CEP290: variants seen among roughly 807,000 people sequenced by gnomAD.
CEP290 encodes the protein centrosomal protein 290, also known as centrosomal protein of 290 kDa.
A neutral mutation model predicts 344.9 loss-of-function variants in CEP290; 317 were observed. That is an observed-to-expected ratio of 0.92 (90% CI 0.84 to 1.01). The LOEUF is 1.01. Ranked by LOEUF, CEP290 falls within the 50% of genes least tolerant of loss-of-function variation. The pLI, the probability that CEP290 is intolerant of heterozygous loss-of-function variation, is 0.00. For missense variants in CEP290, 2,754 were observed against 2,761.4 expected, an observed-to-expected ratio of 1.00 and a Z score of 0.06; for synonymous variants, 932 against 895.8, an observed-to-expected ratio of 1.04 and a Z score of -0.72.
chr12:88,083,349 T>C, intron 36 of CEP290, 119 bp from the exon 37 acceptor site: 1 of 573,078 alleles, frequency 1.7e-6, no homozygotes, highest in Non-Finnish European at 2.8e-6. Flanking sequence ...AATGTAATGA[T>C]TTAATAGGCA....
intron 20 of CEP290, among the ~76,000 whole-genome samples, chr12:88,113,001 A>G (rs537350760): frequency 1.3e-5 from 2 of 152,146 alleles, no homozygotes; most frequent in South Asian, 4.1e-4. Flanking sequence ...TGCATAATCC[A>G]GCATTGTCTG....
chr12:88,141,192 G>A lies in CEP290; in HGVS notation c.102+14C>T. The A allele has an allele frequency of 6.4e-7, 1 of 1,562,342 alleles. No individual in the cohort carries two copies. Among genetic ancestry groups the A allele is most frequent in the East Asian group, 2.3e-5 (1 of 43,888 alleles). On this transcript the variant is annotated intron_variant, in intron 2 of 53. Coordinates refer to ENST00000552810, the MANE Select transcript of CEP290 (RefSeq NM_025114.4). Reference sequence around the variant, plus strand: ...GTTAATGTATATATCTATTATTATTGACCAATTAAGCACCTTGGATAAGGA... The same window carrying A: ...GTTAATGTATATATCTATTATTATTAACCAATTAAGCACCTTGGATAAGGA...
rs751905186 is a variant in CEP290, at chr12:88,121,194, T to C, written c.1190-28A>G. 5.1e-6 allele frequency: 8 copies of C among 1,554,448 alleles called. 1 individual carries two copies. Among genetic ancestry groups the C allele is most frequent in the South Asian group, 3.5e-5 (3 of 86,882 alleles). On this transcript the variant is annotated intron_variant, in intron 13 of 53. Transcript: ENST00000552810. ...ACAGAGTAAAAACAAAAATCATGAATTGAATTGACTACTTATTCCTTCAAA... is the reference window on the plus strand; with the variant it reads ...ACAGAGTAAAAACAAAAATCATGAACTGAATTGACTACTTATTCCTTCAAA...
chr12:88,092,465 A>C (rs2037124492), intron 29 of CEP290, among the ~76,000 whole-genome samples: 1 of 152,106 alleles, frequency 6.6e-6, no homozygotes, highest in African/African-American at 2.4e-5. Context: ...AAAAATGCAA[A>C]TCTTGAGAGG....
intron 32 of CEP290, among the ~76,000 whole-genome samples, 190 bp downstream of exon 32, chr12:88,087,590 G>A (rs2036681400): frequency 6.6e-6 from 1 of 151,560 alleles, no homozygotes; most frequent in East Asian, 1.9e-4. Flanking sequence ...CACGGTGGCG[G>A]GTGCCTGTAG....
Position 88,071,945 on chromosome 12 carries a change from A to G in CEP290, c.5710-19T>C. 1 of 1,550,778 alleles carries G rather than the reference A, an allele frequency of 6.4e-7. No individual in the cohort carries two copies. The highest frequency in any genetic ancestry group is 2.3e-5 in the East Asian group (1 of 42,808). On this transcript the variant is annotated intron_variant, in intron 41 of 53. Coordinates refer to ENST00000552810, the MANE Select transcript of CEP290 (RefSeq NM_025114.4). ...TAGCATTCTGTAACAATAACGAAGGAGGTAGGAAAATTACCAGTGTTATTT... is the reference window on the plus strand; with the variant it reads ...TAGCATTCTGTAACAATAACGAAGGGGGTAGGAAAATTACCAGTGTTATTT...
At chr12:88,125,102 A>T (rs2039649944) in intron 13 of CEP290, 144 bp downstream of exon 13, 1 of 289,434 alleles carries the variant, frequency 3.5e-6, no homozygotes. Context: ...ATATAAGTAT[A>T]ATAATAAATA....
At chr12:88,106,008 G>T (rs2038249588) in intron 25 of CEP290, among the ~76,000 whole-genome samples, 1 of 152,076 alleles carries the variant, frequency 6.6e-6, no homozygotes, top group Non-Finnish European at 1.5e-5. Flanking sequence ...TTCCTGCCTG[G>T]GCCTTCCAAA....
intron 25 of CEP290, among the ~76,000 whole-genome samples, chr12:88,104,379 G>T (rs908495277): frequency 6.6e-6 from 1 of 151,980 alleles, no homozygotes; most frequent in Non-Finnish European, 1.5e-5. Flanking sequence ...TATAAAACTA[G>T]GTGCAGAAGG....
intron 14 of CEP290, 72 bp from the exon 15 acceptor site, chr12:88,120,348 T>G (rs981434730): frequency 7.4e-5 from 58 of 783,074 alleles, no homozygotes; most frequent in Non-Finnish European, 9.7e-5. Context: ...TCATGATTTT[T>G]TTTTTACTAA....
At position 88,096,948 on chromosome 12, in the gene CEP290, C is replaced by T; in HGVS notation, c.3043G>A (p.Glu1015Lys). ...EQVESINKEL[E>K]ITKEKLHTIE... ...GTGTGAAGTTTTTCCTTGGTAATCT[C>T]CAGTTCTTTATTTATAGACTCCACT... The change falls in exon 27 of 54, where the codon GAG (glutamate) becomes AAG (lysine). Residue 1015 changes from glutamate to lysine, a missense_variant. Physicochemically the swap from Glu to Lys is moderately conservative, Grantham distance 56 (BLOSUM62 1). Transcript: ENST00000552810. The T allele has an allele frequency of 6.3e-7, 1 of 1,580,762 alleles. No individual in the cohort carries two copies.
intron 12 of CEP290, 60 bp from the exon 13 acceptor site, chr12:88,125,429 G>T: frequency 1.1e-6 from 1 of 901,324 alleles, no homozygotes; most frequent in Non-Finnish European, 1.5e-6. Flanking sequence ...AAAAGGTAAG[G>T]AAAAAAGTAC....
At chr12:88,083,504 A>G (rs559932894) in intron 36 of CEP290, among the ~76,000 whole-genome samples, 9 of 152,320 alleles carry the variant, frequency 5.9e-5, no homozygotes, top group African/African-American at 2.2e-4. Context: ...TACACATTAA[A>G]AGATGAAAGA....
At chr12:88,098,751 C>T (rs1046156962) in intron 26 of CEP290, among the ~76,000 whole-genome samples, 2 of 151,912 alleles carry the variant, frequency 1.3e-5, no homozygotes, top group Non-Finnish European at 2.9e-5. Flanking sequence ...CTGTGAGGTA[C>T]GAAGTATTTA....
Position 88,062,682 on chromosome 12 carries a change from T to C in CEP290, c.6357+10A>G, listed in dbSNP as rs769059688. On this transcript the variant is annotated intron_variant, in intron 46 of 53. Coordinates refer to ENST00000552810, the MANE Select transcript of CEP290 (RefSeq NM_025114.4). ...AAACCAAAACAAATGTATGGTAAAT[T>C]CTCACATACCCCTCTAACATGGCCA... is the stretch of plus-strand genomic sequence containing the variant. 6.3e-7 allele frequency: 1 copy of C among 1,579,684 alleles called. No homozygotes were observed. Among genetic ancestry groups the C allele is most frequent in the South Asian group, 1.1e-5 (1 of 87,906 alleles).
intron 27 of CEP290, among the ~76,000 whole-genome samples, chr12:88,094,335 A>C (rs2037274215): frequency 6.6e-6 from 1 of 152,136 alleles, no homozygotes; most frequent in Non-Finnish European, 1.5e-5. Flanking sequence ...CTGTATGAGA[A>C]GCAATGCAGT....
chr12:88,130,709 T>C, intron 7 of CEP290, 144 bp from the exon 8 acceptor site: 1 of 552,776 alleles, frequency 1.8e-6, no homozygotes, highest in Admixed American at 3.8e-5. Flanking sequence ...GAATACTAAT[T>C]ATCTACCAAA....
rs933754766 is a variant in CEP290 at position 88,054,268 on chromosome 12, C to A, written c.7034+72G>T. 3 of 941,160 alleles carry A rather than the reference C, an allele frequency of 3.2e-6. No individual in the cohort carries two copies. In the Admixed American group the frequency reaches 8.1e-5, roughly 26 times the overall value. 58.3% of individuals were successfully genotyped at this position (941,160 alleles called of 1,614,324 possible). The stretch of plus-strand genomic sequence containing the variant: ...ATGCTTGTCTCTAGTTGTAGCAATT[C>A]GGAGTATATAAAAACTAATAATTTT... On this transcript the variant is annotated intron_variant, in intron 51 of 53. Transcript: ENST00000552810.
chr12:88,091,944 C>T (rs756576794), intron 29 of CEP290, among the ~76,000 whole-genome samples: 1 of 152,070 alleles, frequency 6.6e-6, no homozygotes, highest in Non-Finnish European at 1.5e-5. Flanking sequence ...GACAGAGTCT[C>T]GCTCTGTCAC....
Sources: allele counts gnomAD v4.1 joint callset (sites outside exome capture counted in the v4.1 genomes callset), GRCh38; gene constraint gnomAD v4.1.1; transcripts MANE v1.5; gene names NCBI Gene and HGNC (gene_info 2026-07-23, HGNC 2026-07-21).